FZR1: variants seen among roughly 807,000 people sequenced by gnomAD.
FZR1 encodes the protein fizzy-related protein homolog.
A neutral mutation model predicts 63.6 loss-of-function variants in FZR1; 11 were observed. The ratio of observed to expected loss-of-function variants is 0.17; its 90% CI spans 0.11 to 0.29. FZR1 has a LOEUF of 0.29. FZR1 is among the 10% of genes least tolerant of loss of function. The pLI is 1.00. For missense variants in FZR1, 440 were observed against 687.5 expected, an observed-to-expected ratio of 0.64 and a Z score of 4.03; for synonymous variants, 328 against 297.9, an observed-to-expected ratio of 1.10 and a Z score of -1.04.
chr19:3,521,406 G>C (rs561124980), intron 1 of FZR1: 13 of 152,334 alleles, frequency 8.5e-5, no homozygotes, highest in African/African-American at 2.9e-4. Context: ...GTGTTCCATG[G>C]CGACAGAGTT....
In FZR1 at chr19:3,536,763, A is replaced by G. The variant is rs527852943; in HGVS notation, c.*1927A>G. The G allele has an allele frequency of 1.2e-4, 19 of 152,378 alleles. No individual in the cohort carries two copies. The highest frequency in any genetic ancestry group is 1.2e-3 in the Admixed American group (19 of 15,310). 9.4% of individuals were successfully genotyped at this position (152,378 alleles called of 1,614,324 possible). The stretch of plus-strand genomic sequence containing the variant: ...ACACGTGGATTCATGTGTGGCCGGG[A>G]CTGGCTGGCTCTAGGTCCCCGGCTC... On this transcript the variant is annotated 3_prime_UTR_variant, in exon 14 of 14. Coordinates refer to ENST00000441788, the MANE Select transcript of FZR1 (RefSeq NM_016263.4).
At chr19:3,518,485 G>A (rs1033707264) in intron 1 of FZR1, among the ~76,000 whole-genome samples, 3 of 152,122 alleles carry the variant, frequency 2.0e-5, no homozygotes, top group African/African-American at 7.2e-5. Flanking sequence ...GGGAAGGGCT[G>A]GGCCCCACCT....
At position 3,514,427 on chromosome 19, in the gene FZR1, C is replaced by A. The variant is rs1435584929; in HGVS notation, c.-35+7953C>A. On this transcript the variant is annotated intron_variant, in intron 1 of 13. Transcript: ENST00000441788. The surrounding 1 kb of genome is among the most constrained non-coding windows in gnomAD (Gnocchi z 4.2). ...CGGCCGTCCTGGGCACTACAGGGTG[C>A]TGAGCAGCGTCCCTGGCCTCCACCC... Among the ~76,000 whole-genome samples the A allele has an allele frequency of 6.6e-6, 1 of 152,142 alleles. No homozygotes were observed. Among genetic ancestry groups the A allele is most frequent in the African/African-American group, 2.4e-5 (1 of 41,412 alleles).
chr19:3,507,428 C>T (rs2082992736), intron 1 of FZR1, among the ~76,000 whole-genome samples: 1 of 152,032 alleles, frequency 6.6e-6, no homozygotes, highest in African/African-American at 2.4e-5. Flanking sequence ...CGTCCTGAGA[C>T]CCCCGATATG....
In FZR1 at chr19:3,532,187, G is replaced by A. The variant is rs2083254843; in HGVS notation, c.1008+92G>A. 11 of 1,236,162 alleles carry A rather than the reference G, an allele frequency of 8.9e-6. No homozygotes were observed. The East Asian group carries it at 1.0e-4, about 11-fold the overall frequency. The allele number at this position is 1,236,162 out of a possible 1,614,324, so 76.6% of individuals were successfully genotyped here. The stretch of plus-strand genomic sequence containing the variant: ...GAAGAGCCTGGGCTGGGGCGGGCGC[G>A]GGCGCGGGGCCCACTCCACAGCCAT... On this transcript the variant is annotated intron_variant, in intron 10 of 13. Transcript: ENST00000441788.
intron 1 of FZR1, among the ~76,000 whole-genome samples, chr19:3,510,863 G>C (rs554488161): frequency 6.6e-6 from 1 of 152,360 alleles, no homozygotes; most frequent in African/African-American, 2.4e-5. Flanking sequence ...CAGTGATGCT[G>C]CTCAGCGCCC....
Position 3,533,501 on chromosome 19 carries a change from A to G in FZR1, c.1347+103A>G. 1 of 734,988 alleles carries G rather than the reference A, an allele frequency of 1.4e-6. No homozygotes were observed. Among genetic ancestry groups the G allele is most frequent in the East Asian group, 2.7e-5 (1 of 37,150 alleles). 45.5% of individuals were successfully genotyped at this position (734,988 alleles called of 1,614,324 possible). ...TGTGTTCTTAGGGAGGATGGTGTGCAGATCTAAAACCCCGTGGGACCCAGC... is the reference window on the plus strand; with the variant it reads ...TGTGTTCTTAGGGAGGATGGTGTGCGGATCTAAAACCCCGTGGGACCCAGC... On this transcript the variant is annotated intron_variant, in intron 12 of 13. Coordinates refer to ENST00000441788, the MANE Select transcript of FZR1 (RefSeq NM_016263.4). The surrounding 1 kb of genome is among the most constrained non-coding windows in gnomAD (Gnocchi z 4.9).
At chr19:3,523,410 GCCCTGGCTTTGTCCTTCCTTGCGCTCCA>G (rs1381581801) in intron 2 of FZR1, among the ~76,000 whole-genome samples, 1 of 152,152 alleles carries the variant, frequency 6.6e-6, no homozygotes, top group East Asian at 1.9e-4. Flanking sequence ...GATTTGGGGG[GCCCTGGCTTTGTCCTTCCTTGCGCTCCA>G]CCCTGCCTCC....
Position 3,526,344 on chromosome 19 carries a change from C to T in FZR1, c.345C>T (p.Arg115=), listed in dbSNP as rs761842369. 4 of 1,600,472 alleles carry T rather than the reference C, an allele frequency of 2.5e-6. No homozygotes were observed. The highest frequency in any genetic ancestry group is 1.7e-5 in the Admixed American group (1 of 58,422). ...TGCAGGACCCGCAGACTGAGGACCGCAGGCTGCAGCCCTCCACGCCTGAGA... is the reference window on the plus strand; with the variant it reads ...TGCAGGACCCGCAGACTGAGGACCGTAGGCTGCAGCCCTCCACGCCTGAGA... ...EKVQDPQTED[R]RLQPSTPEKK... Residue 115 remains arginine, a synonymous_variant, in exon 5 of 14, where the codon CGC becomes CGT. Transcript: ENST00000441788. The surrounding 1 kb of genome is among the most constrained non-coding windows in gnomAD (Gnocchi z 5.4).
chr19:3,535,848 A>C lies in FZR1; in HGVS notation c.*1012A>C, dbSNP rs1277972976. Reference sequence around the variant, plus strand: ...CAACAGCCGTGGGGAAGCCAAGGAGACCCAAGGGGTCCAGGAGGTGGGCGC... The same window carrying C: ...CAACAGCCGTGGGGAAGCCAAGGAGCCCCAAGGGGTCCAGGAGGTGGGCGC... On this transcript the variant is annotated 3_prime_UTR_variant, in exon 14 of 14. Coordinates refer to ENST00000441788, the MANE Select transcript of FZR1 (RefSeq NM_016263.4). The C allele has an allele frequency of 6.6e-6, 1 of 152,282 alleles. No homozygotes were observed. The highest frequency in any genetic ancestry group is 1.5e-5 in the Non-Finnish European group (1 of 68,116). The allele number at this position is 152,282 out of a possible 1,614,324, so 9.4% of individuals were successfully genotyped here. A position where few individuals can be genotyped will look rare whatever the true frequency, so the allele number is the denominator to read the frequency against.
chr19:3,530,989 C>T (rs969134264), intron 8 of FZR1, 132 bp downstream of exon 8: 2 of 647,948 alleles, frequency 3.1e-6, no homozygotes, highest in Non-Finnish European at 5.4e-6. Context: ...TCTGTGTCCC[C>T]CACTGTCCCC....
Position 3,533,866 on chromosome 19 carries a change from C to CTCA in FZR1, c.1347+471_1347+473dup. On this transcript the variant is annotated intron_variant, in intron 12 of 13. Coordinates refer to ENST00000441788, the MANE Select transcript of FZR1 (RefSeq NM_016263.4). This position sits in a 1 kb window ranked among gnomAD's most constrained non-coding sequence, Gnocchi z 4.9. ...CTTTCATCCGCGCATCTGACAGTCC[C>CTCA]TCATCTGTGCAGAGTTGATGAGCCC... 5.7e-6 allele frequency: 1 copy of CTCA among 174,364 alleles called. No individual in the cohort carries two copies. The highest frequency in any genetic ancestry group is 1.2e-5 in the Non-Finnish European group (1 of 82,540). The allele number at this position is 174,364 out of a possible 1,614,324, so 10.8% of individuals were successfully genotyped here.
chr19:3,526,058 T>A lies in FZR1; in HGVS notation c.196-62T>A. The A allele has an allele frequency of 6.2e-7, 1 of 1,611,450 alleles. No individual in the cohort carries two copies. The highest frequency in any genetic ancestry group is 8.5e-7 in the Non-Finnish European group (1 of 1,178,946). On this transcript the variant is annotated intron_variant, in intron 3 of 13. Transcript: ENST00000441788. This position sits in a 1 kb window ranked among gnomAD's most constrained non-coding sequence, Gnocchi z 5.4. ...AGCCCAGGGCCCCTCCCAGCCTCCTTGCTCTAGGGCCGGGAACAAGCGGGC... is the reference window on the plus strand; with the variant it reads ...AGCCCAGGGCCCCTCCCAGCCTCCTAGCTCTAGGGCCGGGAACAAGCGGGC...
intron 1 of FZR1, 115 bp from the exon 2 acceptor site, chr19:3,522,841 G>A: frequency 4.4e-6 from 3 of 675,126 alleles, no homozygotes; most frequent in Non-Finnish European, 8.1e-6. Context: ...CCACAGAGGA[G>A]CCAGGAGGAC....
chr19:3,529,143 TGGGAGAGCGGA>T (rs2083200048), intron 7 of FZR1, among the ~76,000 whole-genome samples: 2 of 122,058 alleles, frequency 1.6e-5, no homozygotes, highest in Non-Finnish European at 3.3e-5. Context: ...GGAGAGCGGA[TGGGAGAGCGGA>T]TGGGAGAGCG....
intron 2 of FZR1, among the ~76,000 whole-genome samples, chr19:3,524,611 G>A (rs965542742): frequency 2.6e-5 from 4 of 152,144 alleles, no homozygotes; most frequent in Non-Finnish European, 5.9e-5. Flanking sequence ...CAGAGAGGCC[G>A]CAGACGGGGC....
Position 3,537,105 on chromosome 19 carries a change from G to C in FZR1, c.*2269G>C, listed in dbSNP as rs1287079983. On this transcript the variant is annotated 3_prime_UTR_variant, in exon 14 of 14. Transcript: ENST00000441788. ...CCCCAGGGCTGGCCAGATGGGGCCAGGAGGGACAGAGCAAGGGGGGTGAAG... is the reference window on the plus strand; with the variant it reads ...CCCCAGGGCTGGCCAGATGGGGCCACGAGGGACAGAGCAAGGGGGGTGAAG... The C allele has an allele frequency of 6.6e-6, 1 of 152,612 alleles. No individual in the cohort carries two copies. Among genetic ancestry groups the C allele is most frequent in the Non-Finnish European group, 1.5e-5 (1 of 68,226 alleles). The allele number at this position is 152,612 out of a possible 1,614,324, so 9.5% of individuals were successfully genotyped here.
At chr19:3,534,604 C>G in intron 13 of FZR1, 91 bp downstream of exon 13, 3 of 960,880 alleles carry the variant, frequency 3.1e-6, no homozygotes, top group East Asian at 2.6e-5. Flanking sequence ...GTACCCTCCT[C>G]TGGGTTCCCC....
chr19:3,507,471 C>T (rs1346170652), intron 1 of FZR1, among the ~76,000 whole-genome samples: 1 of 152,018 alleles, frequency 6.6e-6, no homozygotes, highest in Non-Finnish European at 1.5e-5. Context: ...TTTGTCTTTT[C>T]CCCTGTTTTC....
Sources: gnomAD v4.1 joint callset for allele counts (sites outside exome capture counted in the v4.1 genomes callset) on GRCh38, gnomAD v4.1.1 for gene constraint, Gnocchi (gnomAD v3.1) non-coding constraint, MANE v1.5 for transcripts, NCBI Gene and HGNC (gene_info 2026-07-23, HGNC 2026-07-21) for gene names.